Variants in SART3 observed in about 807,000 individuals in gnomAD.
SART3 encodes HIV-1 Tat-interacting protein of 110kDa.
In SART3, 44 loss-of-function variants were observed where a neutral mutation model predicts 122.3. The observed-to-expected ratio is 0.36, with a 90% CI of 0.28 to 0.46. The LOEUF (loss-of-function observed/expected upper bound fraction) is 0.46, where lower values mean the gene tolerates loss of function less well. Among genes scored for constraint, SART3 ranks in the 20% least tolerant of loss-of-function variants. The probability of loss-of-function intolerance (pLI) is 1.00; values close to 1 mark genes in which losing one functional copy is unlikely to be tolerated. For missense variants in SART3, 1,101 were observed against 1,229.0 expected (o/e 0.90, Z 1.56); for synonymous variants, 442 against 454.0 (o/e 0.97, Z 0.34).
At position 108,523,773 on chromosome 12, in the gene SART3, CT is replaced by C. The variant is rs1338868837; in HGVS notation, c.2715-140del. ...AAAAAAAGGATAAGATAATCCCTGC[CT>C]CCTTAATTCTGTTTATGAAGTAAAA... On this transcript the variant is annotated intron_variant, in intron 18 of 18. Coordinates refer to ENST00000546815, the MANE Select transcript of SART3 (RefSeq NM_014706.4). 32 of 804,798 alleles carry C rather than the reference CT, an allele frequency of 4.0e-5. No individual in the cohort carries two copies. In the African/African-American group the frequency reaches 4.7e-4, roughly 12 times the overall value. 49.9% of individuals were successfully genotyped at this position (804,798 alleles called of 1,614,324 possible).
chr12:108,552,927 G>A (rs980255090), intron 1 of SART3, among the ~76,000 whole-genome samples: 12 of 152,158 alleles, frequency 7.9e-5, no homozygotes, highest in Admixed American at 3.3e-4. Flanking sequence ...CACTCTACCT[G>A]ATTGATACTA....
intron 11 of SART3, 55 bp from the exon 12 acceptor site, chr12:108,535,523 A>C: frequency 7.5e-7 from 1 of 1,335,740 alleles, no homozygotes; most frequent in Non-Finnish European, 1.1e-6. Context: ...GTCGACACCC[A>C]TCATACAACA....
rs1420348431 is a variant in SART3, at chr12:108,549,182, A to G, written c.345T>C (p.His115=). The change falls in exon 2 of 19, where the codon CAT becomes CAC. Residue 115 remains histidine, a synonymous_variant. Coordinates refer to ENST00000546815, the MANE Select transcript of SART3 (RefSeq NM_014706.4). ...GCCTGAGCAGTCTGATCAAGTCCAC[A>G]TGGCAGTTGTAGTCATAGACGTTGA... The part of the protein sequence containing the change: ...LSINVYDYNC[H]VDLIRLLRLE... 4.3e-6 allele frequency: 7 copies of G among 1,614,240 alleles called. No homozygotes were observed. The highest frequency in any genetic ancestry group is 4.5e-5 in the East Asian group (2 of 44,884).
At chr12:108,557,206 G>GTTTTTTTTTTTTTTTTTTTTTTT (rs71076787) in intron 1 of SART3, among the ~76,000 whole-genome samples, 1 of 82,930 alleles carries the variant, frequency 1.2e-5, no homozygotes, top group African/African-American at 5.4e-5. Context: ...TAATGACATA[G>GTTTTTTTTTTTTTTTTTTTTTTT]TTTTTTTTTT....
intron 1 of SART3, among the ~76,000 whole-genome samples, chr12:108,556,058 CTA>C (rs2030208516): frequency 6.6e-6 from 1 of 151,740 alleles, no homozygotes; most frequent in Non-Finnish European, 1.5e-5. Flanking sequence ...CAACCTATGA[CTA>C]TGACCCCCAG....
intron 12 of SART3, among the ~76,000 whole-genome samples, chr12:108,532,823 G>A (rs965567307): frequency 1.3e-5 from 2 of 151,428 alleles, no homozygotes; most frequent in Non-Finnish European, 2.9e-5. Flanking sequence ...GCACGATCTC[G>A]GCTCACTCCA....
intron 12 of SART3, 39 bp from the exon 13 acceptor site, chr12:108,532,373 A>G (rs1199691942): frequency 6.4e-7 from 1 of 1,573,856 alleles, no homozygotes; most frequent in South Asian, 1.1e-5. Context: ...ACCAGGACAC[A>G]AAGTGGAAGG....
intron 3 of SART3, among the ~76,000 whole-genome samples, chr12:108,545,895 A>AG (rs1385196225): frequency 1.5e-5 from 2 of 132,666 alleles, no homozygotes; most frequent in East Asian, 2.7e-4. Flanking sequence ...GAACCTGGGT[A>AG]GGGGGGAGGT....
intron 17 of SART3, among the ~76,000 whole-genome samples, chr12:108,525,162 T>C (rs1032755998): frequency 6.6e-6 from 1 of 152,190 alleles, no homozygotes; most frequent in African/African-American, 2.4e-5. Flanking sequence ...CCAAAGCCCG[T>C]ATGCTGCTGG....
chr12:108,556,748 G>A (rs573120031), intron 1 of SART3, among the ~76,000 whole-genome samples: 2 of 152,296 alleles, frequency 1.3e-5, no homozygotes, highest in South Asian at 2.1e-4. Flanking sequence ...CAAAGTAACC[G>A]CAGTTTGGGA....
intron 7 of SART3, 38 bp downstream of exon 7, chr12:108,538,896 T>C: frequency 1.2e-6 from 2 of 1,613,694 alleles, no homozygotes; most frequent in South Asian, 1.1e-5. Context: ...AGATTCTAAA[T>C]TGGCAAAAAT....
intron 15 of SART3, among the ~76,000 whole-genome samples, chr12:108,529,807 A>T (rs1015065120): frequency 1.7e-5 from 2 of 114,596 alleles, no homozygotes; most frequent in African/African-American, 6.6e-5. Flanking sequence ...TCATCAGAGT[A>T]AAAAAAAAAA....
chr12:108,550,013 C>CAAAAAA (rs10572379), intron 1 of SART3, among the ~76,000 whole-genome samples: 7 of 88,240 alleles, frequency 7.9e-5, no homozygotes, highest in Admixed American at 1.3e-4. Flanking sequence ...GACCCAATCT[C>CAAAAAA]AAAAAAAAAA....
chr12:108,535,318 C>G (rs1168856442), intron 12 of SART3, 41 bp downstream of exon 12: 3 of 1,511,800 alleles, frequency 2.0e-6, no homozygotes. Flanking sequence ...AGGTGCACAG[C>G]TGACAAGCAC....
At chr12:108,544,855 G>A (rs1003042201) in intron 4 of SART3, 8 of 572,746 alleles carry the variant, frequency 1.4e-5, no homozygotes, top group African/African-American at 3.8e-5. Context: ...ATGAGCCACC[G>A]CACTTGGCCA....
chr12:108,541,982 A>G (rs1460331750), intron 6 of SART3, among the ~76,000 whole-genome samples: 9 of 144,874 alleles, frequency 6.2e-5, no homozygotes, highest in Non-Finnish European at 1.3e-4. Flanking sequence ...CTACAGACAC[A>G]TGCCACCAAG....
intron 6 of SART3, among the ~76,000 whole-genome samples, chr12:108,540,499 A>G (rs766432104): frequency 3.9e-5 from 6 of 152,158 alleles, no homozygotes; most frequent in Admixed American, 6.5e-5. Context: ...AGTAGCAGAA[A>G]CCTATATATG....
At chr12:108,557,415 C>T (rs2030277398) in intron 1 of SART3, among the ~76,000 whole-genome samples, 1 of 152,042 alleles carries the variant, frequency 6.6e-6, no homozygotes, top group Admixed American at 6.6e-5. Flanking sequence ...ACTGATTTAA[C>T]TCCCTAGCAA....
intron 17 of SART3, among the ~76,000 whole-genome samples, chr12:108,525,050 G>A (rs1872309480): frequency 6.6e-6 from 1 of 152,206 alleles, no homozygotes; most frequent in African/African-American, 2.4e-5. Flanking sequence ...GGAAAGACAG[G>A]AGAAGAGGCA....
Sources: allele counts gnomAD v4.1 joint callset (sites outside exome capture counted in the v4.1 genomes callset), GRCh38; gene constraint gnomAD v4.1.1; transcripts MANE v1.5; gene names NCBI Gene and HGNC (gene_info 2026-07-23, HGNC 2026-07-21).